Variants in FMN2 observed in about 807,000 individuals in gnomAD.
The protein encoded by FMN2 is formin 2.
In FMN2, 51 loss-of-function variants were observed where a neutral mutation model predicts 142.3. That is an observed-to-expected ratio of 0.36 (90% CI 0.29 to 0.45). FMN2 has a LOEUF of 0.45. Ranked by LOEUF, FMN2 falls within the 20% of genes least tolerant of loss-of-function variation. The pLI, the probability that FMN2 is intolerant of heterozygous loss-of-function variation, is 1.00. For missense variants in FMN2, 1,936 were observed against 2,122.8 expected (o/e 0.91, Z 1.73); for synonymous variants, 882 against 869.8 (o/e 1.01, Z -0.25).
At chr1:240,373,721 C>T (rs1217514678) in intron 14 of FMN2, among the ~76,000 whole-genome samples, 1 of 152,214 alleles carries the variant, frequency 6.6e-6, no homozygotes, top group African/African-American at 2.4e-5. Flanking sequence ...GTTCTTTCCT[C>T]TGCGGAAGAC....
At chr1:240,376,316 A>G (rs116634617) in intron 14 of FMN2, among the ~76,000 whole-genome samples, 1,535 of 152,256 alleles carry the variant, frequency 0.01, 22 homozygotes, top group African/African-American at 0.035. Context: ...TAGAACATTT[A>G]CATTTAATGT....
intron 16 of FMN2, among the ~76,000 whole-genome samples, chr1:240,441,207 A>G (rs1342011936): frequency 1.3e-5 from 2 of 151,942 alleles, no homozygotes; most frequent in Non-Finnish European, 2.9e-5. Context: ...GTTGGCCAGG[A>G]TGGTCTCCAT....
At chr1:240,109,302 C>A (rs1285093920) in intron 1 of FMN2, among the ~76,000 whole-genome samples, 2 of 152,186 alleles carry the variant, frequency 1.3e-5, no homozygotes, top group Admixed American at 6.5e-5. Flanking sequence ...CTGGCTCTAA[C>A]ATACTGAAGA....
chr1:240,363,427 T>G (rs1163426940), intron 14 of FMN2, among the ~76,000 whole-genome samples: 1 of 152,226 alleles, frequency 6.6e-6, no homozygotes, highest in African/African-American at 2.4e-5. Flanking sequence ...TAAATTTCCC[T>G]TTTGGAGAGA....
intron 6 of FMN2, among the ~76,000 whole-genome samples, chr1:240,254,254 C>T (rs1017217187): frequency 4.0e-5 from 6 of 151,358 alleles, no homozygotes; most frequent in Non-Finnish European, 7.4e-5. Context: ...TGACAGGCCA[C>T]GCGGGGCAGT....
chr1:240,146,634 G>T (rs1462368677), intron 2 of FMN2, among the ~76,000 whole-genome samples: 1 of 152,098 alleles, frequency 6.6e-6, no homozygotes, highest in African/African-American at 2.4e-5. Flanking sequence ...AACCCAGGAG[G>T]TGGATGTTGC....
At chr1:240,223,047 A>G (rs1667176733) in intron 6 of FMN2, among the ~76,000 whole-genome samples, 2 of 152,224 alleles carry the variant, frequency 1.3e-5, no homozygotes, top group Admixed American at 6.5e-5. Context: ...GAGAGAGGGC[A>G]TCCTTGTCTT....
chr1:240,373,339 A>C (rs1458602561), intron 14 of FMN2, among the ~76,000 whole-genome samples: 1 of 152,138 alleles, frequency 6.6e-6, no homozygotes, highest in African/African-American at 2.4e-5. Context: ...TTCTGAAAAT[A>C]AGTCAAAAAT....
chr1:240,305,059 T>C (rs1433460405), intron 8 of FMN2, among the ~76,000 whole-genome samples: 1 of 152,194 alleles, frequency 6.6e-6, no homozygotes, highest in Non-Finnish European at 1.5e-5. Flanking sequence ...AATTTTTTCA[T>C]TCATTCTTAA....
chr1:240,389,558 C>A (rs949396686), intron 14 of FMN2, among the ~76,000 whole-genome samples: 1 of 152,068 alleles, frequency 6.6e-6, no homozygotes, highest in Non-Finnish European at 1.5e-5. Context: ...TAATTTTCAC[C>A]GATTAAATTA....
chr1:240,437,197 T>C (rs1375369080), intron 15 of FMN2, among the ~76,000 whole-genome samples: 1 of 151,962 alleles, frequency 6.6e-6, no homozygotes, highest in African/African-American at 2.4e-5. Context: ...AAACTGGCCC[T>C]GAGCAATCTA....
At chr1:240,469,135 A>T (rs1676728258) in intron 16 of FMN2, among the ~76,000 whole-genome samples, 2 of 152,100 alleles carry the variant, frequency 1.3e-5, no homozygotes, top group African/African-American at 4.8e-5. Flanking sequence ...GTCTGGCAGC[A>T]CCGCTGGGGC....
At chr1:240,291,200 T>C (rs1374479506) in intron 7 of FMN2, among the ~76,000 whole-genome samples, 1 of 152,222 alleles carries the variant, frequency 6.6e-6, no homozygotes. Context: ...AAATGTAGCA[T>C]ATTTGACAAA....
At chr1:240,404,640 T>A (rs1674089879) in intron 15 of FMN2, among the ~76,000 whole-genome samples, 1 of 152,214 alleles carries the variant, frequency 6.6e-6, no homozygotes, top group African/African-American at 2.4e-5. Flanking sequence ...GTTTCATGCC[T>A]TTTATTTTCG....
At chr1:240,146,854 A>G (rs893258980) in intron 2 of FMN2, among the ~76,000 whole-genome samples, 2 of 152,146 alleles carry the variant, frequency 1.3e-5, no homozygotes, top group Non-Finnish European at 2.9e-5. Flanking sequence ...TTCACTTGAC[A>G]GTTGTTACAG....
intron 8 of FMN2, among the ~76,000 whole-genome samples, chr1:240,309,478 C>T (rs1670529115): frequency 6.6e-6 from 1 of 152,110 alleles, no homozygotes; most frequent in Non-Finnish European, 1.5e-5. Context: ...GGTGCAGGTG[C>T]ACAGTGCGTG....
chr1:240,262,848 C>T (rs1179591614), intron 7 of FMN2, among the ~76,000 whole-genome samples: 1 of 150,680 alleles, frequency 6.6e-6, no homozygotes, highest in Non-Finnish European at 1.5e-5. Context: ...ACAATCTCCG[C>T]CTCCCAGGTT....
rs114436332 is a variant in FMN2, at chr1:240,331,347, A to G, written c.4584+598A>G. 6.6e-3 allele frequency among the ~76,000 whole-genome samples: 1,012 copies of G among 152,278 alleles called. 11 individuals are homozygous for G. Among genetic ancestry groups the G allele is most frequent in the African/African-American group, 0.023 (958 of 41,548 alleles). On this transcript the variant is annotated intron_variant, in intron 11 of 17. Transcript: ENST00000319653. ...CTGCAGTTGTGTTTGTTTGAAATTA[A>G]TGTCTAAGCAATTGTGAGAGTGCCA...
At chr1:240,120,428 G>A (rs1662188549) in intron 1 of FMN2, among the ~76,000 whole-genome samples, 2 of 152,176 alleles carry the variant, frequency 1.3e-5, no homozygotes, top group Admixed American at 1.3e-4. Flanking sequence ...TAAAAAGTTT[G>A]ATGGTATAGA....
Sources: allele counts gnomAD v4.1 joint callset (sites outside exome capture counted in the v4.1 genomes callset), GRCh38; gene constraint gnomAD v4.1.1; transcripts MANE v1.5; gene names NCBI Gene and HGNC (gene_info 2026-07-23, HGNC 2026-07-21).